Variants in GADL1 observed in about 807,000 individuals in gnomAD.
GADL1 encodes GAD like acidic amino acid decarboxylase 1.
GADL1 carries 71 observed loss-of-function variants against 69.5 expected under a neutral mutation model. The observed-to-expected ratio is 1.02, with a 90% CI of 0.84 to 1.25. The LOEUF is 1.25. Ranked by LOEUF, GADL1 falls within the 50% of genes most tolerant of loss-of-function variation. GADL1 has a pLI of 0.00. For synonymous variants in GADL1, 254 were observed against 214.4 expected (o/e 1.18, Z -1.62); for missense variants, 737 against 631.8 (o/e 1.17, Z -1.79).
intron 1 of GADL1, among the ~76,000 whole-genome samples, chr3:30,873,283 A>G: frequency 6.6e-6 from 1 of 152,100 alleles, no homozygotes; most frequent in South Asian, 2.1e-4. Context: ...ATTTATATAC[A>G]TATATATGAG....
At chr3:30,833,826 C>G in intron 11 of GADL1, 27 bp downstream of exon 11, 1 of 1,567,204 alleles carries the variant, frequency 6.4e-7, no homozygotes, top group South Asian at 1.1e-5. Context: ...CCCTTGAAGC[C>G]CAAAGGACCA....
At chr3:30,844,050 TTTC>T (rs1359135501) in intron 8 of GADL1, among the ~76,000 whole-genome samples, 157 bp downstream of exon 8, 4 of 152,174 alleles carry the variant, frequency 2.6e-5, no homozygotes, top group Non-Finnish European at 4.4e-5. Flanking sequence ...GTAAATGAGT[TTTC>T]CTATTTTAAT....
rs144182341 is a variant in GADL1, at chr3:30,826,372, G to A, written c.1050+7481C>T. On this transcript the variant is annotated intron_variant, in intron 11 of 14. Coordinates refer to ENST00000282538, the MANE Select transcript of GADL1 (RefSeq NM_207359.3). ...GACTGGCAGAGAAGCAAAGGTTGGC[G>A]TTCCATACTGAAACAGGCTGGCTGC... Among the ~76,000 whole-genome samples the A allele has an allele frequency of 3.9e-4, 60 of 151,956 alleles. No homozygotes were observed. In the East Asian group the frequency reaches 9.9e-3, roughly 25 times the overall value.
chr3:30,805,690 A>G (rs1187011941), intron 11 of GADL1, among the ~76,000 whole-genome samples: 1 of 138,010 alleles, frequency 7.2e-6, no homozygotes, highest in Non-Finnish European at 1.5e-5. Flanking sequence ...CAGTGATCCC[A>G]TGGGTCTACT....
intron 11 of GADL1, among the ~76,000 whole-genome samples, chr3:30,822,529 G>A (rs1281211036): frequency 6.6e-6 from 1 of 151,874 alleles, no homozygotes; most frequent in Non-Finnish European, 1.5e-5. Context: ...GCAAGATGCT[G>A]GTTATATAAG....
chr3:30,874,146 A>AAG (rs1345822303), intron 1 of GADL1, among the ~76,000 whole-genome samples: 6 of 151,914 alleles, frequency 3.9e-5, no homozygotes. Context: ...GTAGGTAGTG[A>AAG]AGAGGGTGAG....
At chr3:30,837,741 G>A (rs1426736715) in intron 9 of GADL1, among the ~76,000 whole-genome samples, 1 of 151,942 alleles carries the variant, frequency 6.6e-6, no homozygotes, top group Non-Finnish European at 1.5e-5. Context: ...TATTTCCACA[G>A]TTACAAAAAT....
intron 11 of GADL1, among the ~76,000 whole-genome samples, chr3:30,813,033 A>G (rs887134048): frequency 6.6e-6 from 1 of 152,068 alleles, no homozygotes; most frequent in Non-Finnish European, 1.5e-5. Flanking sequence ...CACACACTCC[A>G]TGAGAAGGCA....
chr3:30,800,753 C>G (rs1475586973), intron 12 of GADL1, 136 bp downstream of exon 12: 6 of 697,518 alleles, frequency 8.6e-6, no homozygotes, highest in South Asian at 5.4e-5. Flanking sequence ...CATGTACTTG[C>G]AACACATTTC....
At chr3:30,851,535 G>A (rs959633432) in intron 4 of GADL1, among the ~76,000 whole-genome samples, 19 of 152,194 alleles carry the variant, frequency 1.2e-4, no homozygotes, top group African/African-American at 4.6e-4. Flanking sequence ...GTGTTGCTCC[G>A]GGCTGGAACG....
chr3:30,819,914 C>CT (rs985641620), intron 11 of GADL1, among the ~76,000 whole-genome samples: 11 of 151,920 alleles, frequency 7.2e-5, no homozygotes, highest in Non-Finnish European at 1.6e-4. Flanking sequence ...AATGTAAAAA[C>CT]TGAACACAGA....
At position 30,870,050 on chromosome 3, in the gene GADL1, C is replaced by G. The variant is rs538076478; in HGVS notation, c.38-8285G>C. Among the ~76,000 whole-genome samples the G allele has an allele frequency of 4.0e-5, 6 of 151,872 alleles. No homozygotes were observed. The South Asian group carries it at 1.2e-3, about 31-fold the overall frequency. On this transcript the variant is annotated intron_variant, in intron 1 of 14. Coordinates refer to ENST00000282538, the MANE Select transcript of GADL1 (RefSeq NM_207359.3). Reference sequence around the variant, plus strand: ...CCTCCATTCATCCAATCAGCAAATACTTATATTTAGTGCCTATTATGTATA... The same window carrying G: ...CCTCCATTCATCCAATCAGCAAATAGTTATATTTAGTGCCTATTATGTATA...
chr3:30,776,634 C>T (rs1696546628), intron 14 of GADL1, among the ~76,000 whole-genome samples: 1 of 152,148 alleles, frequency 6.6e-6, no homozygotes, highest in East Asian at 1.9e-4. Flanking sequence ...GAGGTTTGAG[C>T]CATGAATAAA....
chr3:30,865,634 A>G (rs971763250), intron 1 of GADL1, among the ~76,000 whole-genome samples: 1 of 152,042 alleles, frequency 6.6e-6, no homozygotes, highest in African/African-American at 2.4e-5. Context: ...AATGGGCTAG[A>G]GAAGAGACAG....
chr3:30,870,975 G>A (rs1698472199), intron 1 of GADL1, among the ~76,000 whole-genome samples: 2 of 151,334 alleles, frequency 1.3e-5, no homozygotes, highest in Admixed American at 6.6e-5. Context: ...TGGTCATGAT[G>A]ACATAGAGAC....
intron 14 of GADL1, among the ~76,000 whole-genome samples, chr3:30,776,819 C>CT (rs1287421985): frequency 6.6e-6 from 1 of 152,206 alleles, no homozygotes; most frequent in Non-Finnish European, 1.5e-5. Flanking sequence ...ACTCTTCTCA[C>CT]CTCCCATCAC....
intron 11 of GADL1, among the ~76,000 whole-genome samples, chr3:30,820,472 ATC>A (rs889848983): frequency 2.6e-5 from 4 of 152,170 alleles, no homozygotes; most frequent in South Asian, 4.1e-4. Context: ...ATAACTTAAA[ATC>A]TCTCAGAACC....
intron 14 of GADL1, among the ~76,000 whole-genome samples, chr3:30,741,817 T>G (rs929793128): frequency 6.6e-6 from 1 of 152,132 alleles, no homozygotes; most frequent in South Asian, 2.1e-4. Flanking sequence ...ATTTCTTGAA[T>G]GAGAGAGGGC....
intron 11 of GADL1, among the ~76,000 whole-genome samples, chr3:30,809,295 T>C (rs1697312614): frequency 1.3e-5 from 2 of 152,230 alleles, no homozygotes; most frequent in Non-Finnish European, 1.5e-5. Context: ...GAGTAGAAAA[T>C]ATTTAAAATC....
Sources: allele counts gnomAD v4.1 joint callset (sites outside exome capture counted in the v4.1 genomes callset), GRCh38; gene constraint gnomAD v4.1.1; transcripts MANE v1.5; gene names NCBI Gene and HGNC (gene_info 2026-07-23, HGNC 2026-07-21).